The following ANK1 variants were observed in gnomAD, a reference collection of about 807,000 sequenced individuals.
ANK1 encodes the protein ankyrin 1, also known as ankyrin-1.
In ANK1, 51 loss-of-function variants were observed where a neutral mutation model predicts 210.4. That is an observed-to-expected ratio of 0.24 (90% CI 0.19 to 0.31). ANK1 has a LOEUF of 0.31. ANK1 is among the 10% of genes least tolerant of loss of function. ANK1 has a pLI of 1.00. For synonymous variants in ANK1, 967 were observed against 1,025.9 expected, an observed-to-expected ratio of 0.94 and a Z score of 1.10; for missense variants, 2,051 against 2,504.4, an observed-to-expected ratio of 0.82 and a Z score of 3.86.
At chr8:41,859,336 G>GTGTTTGTTTGTT (rs368482975) in intron 1 of ANK1, among the ~76,000 whole-genome samples, 3 of 151,898 alleles carry the variant, frequency 2.0e-5, no homozygotes, top group African/African-American at 7.3e-5. Flanking sequence ...TTGTTTGTTT[G>GTGTTTGTTTGTT]TGTTTGTTTG....
In ANK1 at chr8:41,655,870, C is replaced by T. The variant is rs1283111050; in HGVS notation, c.*37-117G>A. The T allele has an allele frequency of 2.5e-6, 3 of 1,186,262 alleles. No homozygotes were observed. In the African/African-American group the frequency reaches 4.5e-5, roughly 18 times the overall value. The allele number at this position is 1,186,262 out of a possible 1,614,324, so 73.5% of individuals were successfully genotyped here. On this transcript the variant is annotated intron_variant, in intron 42 of 42. Coordinates refer to ENST00000289734, the MANE Select transcript of ANK1 (RefSeq NM_000037.4). ...CAGGCCGAATCTGACTCAGGAAAAG[C>T]AGTCTCCCCAGGCAGGGCGATGTGC...
upstream of ANK1, among the ~76,000 whole-genome samples, chr8:41,797,920 T>C (rs1849110919): frequency 6.6e-6 from 1 of 151,786 alleles, no homozygotes; most frequent in South Asian, 2.1e-4. This position sits in a 1 kb window ranked among gnomAD's most constrained non-coding sequence, Gnocchi z 4.0. Context: ...GAGTCCGGTT[T>C]AGTCGCGGGC....
At chr8:41,823,973 T>C (rs1198831489) in intron 1 of ANK1, among the ~76,000 whole-genome samples, 1 of 152,074 alleles carries the variant, frequency 6.6e-6, no homozygotes, top group Non-Finnish European at 1.5e-5. Flanking sequence ...TCTTGTTTTG[T>C]TTTTGAGACA....
intron 3 of ANK1, among the ~76,000 whole-genome samples, chr8:41,730,291 A>G (rs1322488063): frequency 6.6e-6 from 1 of 152,010 alleles, no homozygotes; most frequent in African/African-American, 2.4e-5. Flanking sequence ...TGTTTCTTGT[A>G]CTCTGCCTGG....
chr8:41,717,673 G>A lies in ANK1; in HGVS notation c.1236C>T (p.Ser412=). 6.4e-7 allele frequency: 1 copy of A among 1,551,720 alleles called. No homozygotes were observed. Among genetic ancestry groups the A allele is most frequent in the Non-Finnish European group, 8.7e-7 (1 of 1,147,010 alleles). The stretch of plus-strand genomic sequence containing the variant: ...TCACGATGGGAAGGTGCCCCATGAA[G>A]GAGGCCACGTGGAGAGGTGTCAGGC... ...ESGLTPLHVA[S]FMGHLPIVKN... is the part of the protein sequence containing the mutation. The change falls in exon 12 of 43, where the codon TCC becomes TCT. Residue 412 remains serine, a synonymous_variant. Coordinates refer to ENST00000289734, the MANE Select transcript of ANK1 (RefSeq NM_000037.4).
chr8:41,880,521 T>C (rs1336815778), intron 1 of ANK1, among the ~76,000 whole-genome samples: 2 of 152,120 alleles, frequency 1.3e-5, no homozygotes, highest in Admixed American at 6.5e-5. Context: ...ATTTGCAGGA[T>C]GAGTAGGTTG....
At chr8:41,671,814 C>T (rs1438673519) in intron 38 of ANK1, among the ~76,000 whole-genome samples, 1 of 148,144 alleles carries the variant, frequency 6.8e-6, no homozygotes, top group Non-Finnish European at 1.5e-5. Flanking sequence ...TCCAGGCACC[C>T]TAATGTCCCT....
intron 16 of ANK1, among the ~76,000 whole-genome samples, chr8:41,712,784 G>A (rs1051907407): frequency 2.0e-5 from 3 of 152,242 alleles, no homozygotes; most frequent in African/African-American, 7.2e-5. Flanking sequence ...AAGCCCATCT[G>A]TACAGGGTTT....
Position 41,703,982 on chromosome 8 carries a change from A to G in ANK1, c.2295+59T>C, listed in dbSNP as rs1041354122. 2.6e-6 allele frequency: 4 copies of G among 1,509,976 alleles called. No homozygotes were observed. In the African/African-American group the frequency reaches 5.5e-5, roughly 21 times the overall value. 93.5% of individuals were successfully genotyped at this position (1,509,976 alleles called of 1,614,324 possible). On this transcript the variant is annotated intron_variant, in intron 20 of 42. Coordinates refer to ENST00000289734, the MANE Select transcript of ANK1 (RefSeq NM_000037.4). The stretch of plus-strand genomic sequence containing the variant: ...TTAACCTCTACGGTTAGGGGAGTTC[A>G]CACAGGGCTGCTGCCATGGGGAGCA...
intron 12 of ANK1, 134 bp downstream of exon 12, chr8:41,717,470 C>A: frequency 1.2e-6 from 1 of 858,646 alleles, no homozygotes; most frequent in South Asian, 1.4e-5. Flanking sequence ...GGGATGTCCT[C>A]CCCCAGTCTG....
chr8:41,836,428 A>G (rs1807730880), intron 1 of ANK1, among the ~76,000 whole-genome samples: 1 of 152,222 alleles, frequency 6.6e-6, no homozygotes, highest in South Asian at 2.1e-4. Flanking sequence ...GGAGGAACTC[A>G]TTGTGGCTGC....
intron 1 of ANK1, among the ~76,000 whole-genome samples, chr8:41,888,791 C>G (rs1215757869): frequency 1.3e-5 from 2 of 152,218 alleles, no homozygotes; most frequent in Non-Finnish European, 2.9e-5. Context: ...TTCACCTGCT[C>G]TTTCATTTGC....
chr8:41,805,169 CTTTCTT>C (rs968643665), intron 1 of ANK1, among the ~76,000 whole-genome samples: 23 of 124,898 alleles, frequency 1.8e-4, no homozygotes, highest in African/African-American at 1.3e-3. Flanking sequence ...CTCTCTCTCT[CTTTCTT>C]TCTTTCTTTC....
At chr8:41,806,371 T>G (rs571294137) in intron 1 of ANK1, among the ~76,000 whole-genome samples, 1 of 151,912 alleles carries the variant, frequency 6.6e-6, no homozygotes, top group East Asian at 1.9e-4. Flanking sequence ...TCCACTACTG[T>G]GTATAAAAAG....
intron 7 of ANK1, 105 bp downstream of exon 7, chr8:41,724,351 C>T (rs1830132302): frequency 9.9e-7 from 1 of 1,014,394 alleles, no homozygotes; most frequent in African/African-American, 1.6e-5. Flanking sequence ...GGCTGTTTAA[C>T]CCACAGGCAC....
At chr8:41,699,653 G>A in intron 22 of ANK1, 105 bp from the exon 23 acceptor site, 1 of 1,070,788 alleles carries the variant, frequency 9.3e-7, no homozygotes. Context: ...TTGCTCCTGA[G>A]GAGTGGGGAA....
In ANK1 at chr8:41,668,309, C is replaced by T. The variant is rs1477615387; in HGVS notation, c.5352G>A (p.Glu1784=). Residue 1784 remains glutamate (E), a synonymous_variant, in exon 39 of 43, where the codon GAG becomes GAA. Coordinates refer to ENST00000289734, the MANE Select transcript of ANK1 (RefSeq NM_000037.4). The stretch of plus-strand genomic sequence containing the variant: ...AGGTGTTCTTGGCCTCCTGCACCTG[C>T]TCTTCTTGGCCTTGCTGCCTCCGGT... The part of the protein sequence containing the change: ...DRDRRQQGQE[E]QVQEAKNTFT... 1.2e-6 allele frequency: 2 copies of T among 1,614,238 alleles called. No individual in the cohort carries two copies. The highest frequency in any genetic ancestry group is 1.1e-5 in the South Asian group (1 of 91,086).
intron 1 of ANK1, among the ~76,000 whole-genome samples, chr8:41,837,148 A>T (rs1173555542): frequency 6.6e-6 from 1 of 152,228 alleles, no homozygotes; most frequent in Non-Finnish European, 1.5e-5. Flanking sequence ...AGATAATATC[A>T]TCAACCCCTT....
chr8:41,668,514 G>A lies in ANK1; in HGVS notation c.5147C>T (p.Ala1716Val). 6.2e-7 allele frequency: 1 copy of A among 1,614,216 alleles called. No homozygotes were observed. Among genetic ancestry groups the A allele is most frequent in the Non-Finnish European group, 8.5e-7 (1 of 1,180,030 alleles). Residue 1716 changes from alanine to valine, a missense_variant, in exon 39 of 43, where the codon GCT (alanine) becomes GTT (valine). This residue lies in a region of ANK1 where 496 missense variants were observed against 533.4 expected (regional missense o/e 0.93). Coordinates refer to ENST00000289734, the MANE Select transcript of ANK1 (RefSeq NM_000037.4). ...CTCCTCTTGCCAGGAACCTTGTGCA[G>A]CATCTTGCAGGTATGAGACAATCGA... ...DGSIVSYLQD[A>V]AQGSWQEEVT...
Sources: gnomAD v4.1 joint callset for allele counts (sites outside exome capture counted in the v4.1 genomes callset) on GRCh38, gnomAD v4.1.1 for gene constraint, gnomAD v4.1.1 regional missense constraint, Gnocchi (gnomAD v3.1) non-coding constraint, MANE v1.5 for transcripts, NCBI Gene and HGNC (gene_info 2026-07-23, HGNC 2026-07-21) for gene names.